Variants in ZBTB20 observed in about 807,000 individuals in gnomAD.
ZBTB20 encodes zinc finger and BTB domain-containing protein 20.
ZBTB20 carries 9 observed loss-of-function variants against 56.9 expected under a neutral mutation model. That is an observed-to-expected ratio of 0.16 (90% CI 0.10 to 0.28). The LOEUF is 0.28. ZBTB20 is among the 10% of genes least tolerant of loss of function. The probability of loss-of-function intolerance (pLI) is 1.00; values close to 1 mark genes in which losing one functional copy is unlikely to be tolerated. For missense variants in ZBTB20, 655 were observed against 1,003.0 expected, an observed-to-expected ratio of 0.65 and a Z score of 4.69; for synonymous variants, 417 against 420.7, an observed-to-expected ratio of 0.99 and a Z score of 0.11.
chr3:114,645,613 T>C (rs961435144), intron 6 of ZBTB20, among the ~76,000 whole-genome samples: 1 of 152,192 alleles, frequency 6.6e-6, no homozygotes, highest in Non-Finnish European at 1.5e-5. Context: ...ATTTTGGTAT[T>C]ACTATTGGAT....
intron 4 of ZBTB20, among the ~76,000 whole-genome samples, chr3:114,886,355 T>A (rs2076600429): frequency 6.6e-6 from 1 of 152,206 alleles, no homozygotes; most frequent in Non-Finnish European, 1.5e-5. Flanking sequence ...TATCCATAGT[T>A]CTCTAATAAA....
intron 1 of ZBTB20, among the ~76,000 whole-genome samples, chr3:115,134,136 G>C (rs1471532458): frequency 2.0e-5 from 3 of 151,958 alleles, no homozygotes; most frequent in African/African-American, 7.3e-5. Context: ...AATAACAAAG[G>C]CCTTTAAGGC....
intron 3 of ZBTB20, among the ~76,000 whole-genome samples, chr3:114,953,456 T>C (rs757857853): frequency 1.3e-4 from 19 of 151,804 alleles, no homozygotes; most frequent in Middle Eastern, 3.4e-3. Flanking sequence ...AATGACCCAA[T>C]TATACACTGT....
intron 1 of ZBTB20, among the ~76,000 whole-genome samples, chr3:115,090,384 T>C (rs986059282): frequency 6.6e-6 from 1 of 151,852 alleles, no homozygotes; most frequent in African/African-American, 2.4e-5. Context: ...TTATTTAAAC[T>C]TTTTTCCCTC....
intron 6 of ZBTB20, among the ~76,000 whole-genome samples, chr3:114,557,257 T>C (rs946204821): frequency 9.9e-5 from 15 of 151,960 alleles, no homozygotes; most frequent in Non-Finnish European, 1.6e-4. Context: ...TTATATTCTT[T>C]TCCCCAGAGA....
At chr3:115,030,279 T>C (rs2080613669) in intron 2 of ZBTB20, among the ~76,000 whole-genome samples, 1 of 151,090 alleles carries the variant, frequency 6.6e-6, no homozygotes, top group African/African-American at 2.4e-5. Flanking sequence ...AAGCATCATT[T>C]CTGACATCCC....
At chr3:115,028,679 C>T (rs1275827744) in intron 2 of ZBTB20, among the ~76,000 whole-genome samples, 1 of 150,142 alleles carries the variant, frequency 6.7e-6, no homozygotes, top group Non-Finnish European at 1.5e-5. Context: ...GAAAGTTTTC[C>T]ATTAGAATAT....
chr3:114,608,691 T>C (rs535580053), intron 6 of ZBTB20, among the ~76,000 whole-genome samples: 1 of 152,348 alleles, frequency 6.6e-6, no homozygotes, highest in African/African-American at 2.4e-5. Flanking sequence ...AACTAGCCCA[T>C]TCCCACAGAA....
At chr3:114,786,207 T>C (rs377595197) in intron 5 of ZBTB20, among the ~76,000 whole-genome samples, 7 of 152,198 alleles carry the variant, frequency 4.6e-5, no homozygotes, top group Admixed American at 6.5e-5. Flanking sequence ...GTTTGTTACA[T>C]AGGTATACAC....
At chr3:114,599,615 T>G (rs544050325) in intron 6 of ZBTB20, among the ~76,000 whole-genome samples, 1 of 152,252 alleles carries the variant, frequency 6.6e-6, no homozygotes, top group Non-Finnish European at 1.5e-5. Flanking sequence ...ATAATAATTT[T>G]TATAGCTAAC....
At chr3:114,473,756 C>T (rs1432091417) in intron 7 of ZBTB20, among the ~76,000 whole-genome samples, 1 of 152,088 alleles carries the variant, frequency 6.6e-6, no homozygotes, top group African/African-American at 2.4e-5. Context: ...AATTCTATGT[C>T]AGTTTTGGCT....
Position 114,351,375 on chromosome 3 carries a change from G to T in ZBTB20, c.703C>A (p.His235Asn). The T allele has an allele frequency of 6.2e-7, 1 of 1,611,536 alleles. No individual in the cohort carries two copies. The change falls in exon 11 of 12, where the codon CAC becomes AAC. Residue 235 changes from histidine (H) to asparagine (N), a missense_variant. Physicochemically the swap from His to Asn is moderately conservative, Grantham distance 68. Around this residue, in one of 10 missense-constraint regions of ZBTB20, gnomAD observed 167 missense variants for 281.9 expected, o/e 0.59. Transcript: ENST00000675478. ...ATCCTGTCCACGCTGTGCTGTGGGT[G>T]GCTCTGCAGGTAGCCCGACTCCGTG... ...SDTESGYLQS[H>N]PQHSVDRIYS... is the part of the protein sequence containing the mutation.
At chr3:114,805,441 G>A (rs1029510373) in intron 4 of ZBTB20, among the ~76,000 whole-genome samples, 7 of 151,798 alleles carry the variant, frequency 4.6e-5, no homozygotes, top group South Asian at 4.2e-4. Context: ...GTCCAATCCC[G>A]TAACTAGATT....
At position 114,410,230 on chromosome 3, in the gene ZBTB20, T is replaced by C. The variant is rs13321089; in HGVS notation, c.-254-21125A>G. 5.3e-4 allele frequency among the ~76,000 whole-genome samples: 80 copies of C among 152,256 alleles called. 1 individual carries two copies. The highest frequency in any genetic ancestry group is 1.8e-3 in the African/African-American group (73 of 41,578). On this transcript the variant is annotated intron_variant, in intron 7 of 11. Transcript: ENST00000675478. ...AAAAAGTCAACCCACTTTTTTTTTT[T>C]CTGTTTGCTTACTGATTCCTTGTTC...
intron 2 of ZBTB20, among the ~76,000 whole-genome samples, chr3:115,040,305 G>C (rs903525492): frequency 9.2e-5 from 14 of 151,930 alleles, no homozygotes; most frequent in Non-Finnish European, 2.9e-5. Flanking sequence ...AATATGTCAG[G>C]GTAAGTAGAC....
chr3:114,362,035 C>A (rs1314498940), intron 10 of ZBTB20, among the ~76,000 whole-genome samples: 1 of 152,128 alleles, frequency 6.6e-6, no homozygotes, highest in African/African-American at 2.4e-5. Flanking sequence ...TTTAATGAGT[C>A]TTGTACCAAT....
rs114042414 is a variant in ZBTB20, at chr3:114,899,671, G to A, written c.-417+633C>T. Among the ~76,000 whole-genome samples, 179 of 152,202 alleles carry A rather than the reference G, an allele frequency of 1.2e-3. 1 individual carries two copies. The highest frequency in any genetic ancestry group is 4.0e-3 in the African/African-American group (166 of 41,518). On this transcript the variant is annotated intron_variant, in intron 4 of 11. Transcript: ENST00000675478. ...TTCAGAGTCAGAGTACACAAAACAC[G>A]TAAGAGCACAAGCACACTGCTAACA...
At chr3:114,620,035 T>C (rs1360649364) in intron 6 of ZBTB20, among the ~76,000 whole-genome samples, 1 of 152,224 alleles carries the variant, frequency 6.6e-6, no homozygotes. Flanking sequence ...GTAAGTCTGG[T>C]ACTTTCTGAC....
At chr3:114,367,799 G>C (rs2082578204) in intron 10 of ZBTB20, among the ~76,000 whole-genome samples, 1 of 151,688 alleles carries the variant, frequency 6.6e-6, no homozygotes, top group South Asian at 2.1e-4. Flanking sequence ...ACATACAAAT[G>C]GGGGAATAAA....
Sources: gnomAD v4.1 joint callset for allele counts (sites outside exome capture counted in the v4.1 genomes callset) on GRCh38, gnomAD v4.1.1 for gene constraint, gnomAD v4.1.1 regional missense constraint, MANE v1.5 for transcripts, NCBI Gene and HGNC (gene_info 2026-07-23, HGNC 2026-07-21) for gene names.